Variants in UBXN4 observed in about 807,000 individuals in gnomAD.
UBXN4 encodes the protein UBX domain-containing protein 4.
In UBXN4, 35 loss-of-function variants were observed where a neutral mutation model predicts 66.2. The observed-to-expected ratio is 0.53, with a 90% CI of 0.40 to 0.70. The LOEUF (loss-of-function observed/expected upper bound fraction) is 0.70. UBXN4 is among the 30% of genes least tolerant of loss of function. The pLI, the probability that UBXN4 is intolerant of heterozygous loss-of-function variation, is 0.00. For synonymous variants in UBXN4, 203 were observed against 204.5 expected (o/e 0.99, Z 0.06); for missense variants, 533 against 599.8 (o/e 0.89, Z 1.16).
intron 6 of UBXN4, among the ~76,000 whole-genome samples, chr2:135,767,810 TCAAA>T (rs1338182482): frequency 2.0e-5 from 3 of 152,236 alleles, no homozygotes; most frequent in Non-Finnish European, 2.9e-5. Context: ...TACATAGTGA[TCAAA>T]CAGCTTTCCA....
Position 135,784,870 on chromosome 2 carries a change from TAAA to T in UBXN4, c.*1992_*1994del, listed in dbSNP as rs1171996239. The T allele has an allele frequency of 2.0e-5, 3 of 149,280 alleles. No individual in the cohort carries two copies. The East Asian group carries it at 5.8e-4, about 29-fold the overall frequency. 9.2% of individuals were successfully genotyped at this position (149,280 alleles called of 1,614,324 possible). A position where few individuals can be genotyped will look rare whatever the true frequency, so the allele number is the denominator to read the frequency against. On this transcript the variant is annotated 3_prime_UTR_variant, in exon 13 of 13. Transcript: ENST00000272638. ...ATTTTGTATTTTTAAAAGTACATGG[TAAA>T]AAAAAAAATTCACAACAGTATATAA...
At chr2:135,748,536 C>G (rs1410816898) in intron 2 of UBXN4, among the ~76,000 whole-genome samples, 167 bp downstream of exon 2, 1 of 150,650 alleles carries the variant, frequency 6.6e-6, no homozygotes, top group Non-Finnish European at 1.5e-5. Flanking sequence ...TAGAGGCTAG[C>G]CTGGGCAACA....
At chr2:135,765,457 C>T (rs897967821) in intron 6 of UBXN4, among the ~76,000 whole-genome samples, 3 of 152,002 alleles carry the variant, frequency 2.0e-5, no homozygotes, top group Admixed American at 1.3e-4. Flanking sequence ...GTGATCTGCC[C>T]GCCTCGGCCT....
At chr2:135,756,760 A>G (rs2077281197) in intron 5 of UBXN4, among the ~76,000 whole-genome samples, 1 of 152,230 alleles carries the variant, frequency 6.6e-6, no homozygotes, top group Admixed American at 6.5e-5. Context: ...TTCCTTTAGC[A>G]TTACTTATTG....
chr2:135,775,360 T>A (rs946274250), intron 9 of UBXN4, among the ~76,000 whole-genome samples: 2 of 152,360 alleles, frequency 1.3e-5, no homozygotes, highest in African/African-American at 4.8e-5. Context: ...TACATGAGTA[T>A]AGCAGCATTA....
intron 9 of UBXN4, among the ~76,000 whole-genome samples, chr2:135,775,550 G>A (rs920647788): frequency 1.3e-5 from 2 of 152,164 alleles, no homozygotes; most frequent in Admixed American, 6.5e-5. Flanking sequence ...GTCACATACT[G>A]TATGATTCTA....
In UBXN4 at chr2:135,784,614, C is replaced by G. The variant is rs1021447455; in HGVS notation, c.*1727C>G. 2 of 152,474 alleles carry G rather than the reference C, an allele frequency of 1.3e-5. No individual in the cohort carries two copies. Among genetic ancestry groups the G allele is most frequent in the African/African-American group, 4.8e-5 (2 of 41,372 alleles). 9.4% of individuals were successfully genotyped at this position (152,474 alleles called of 1,614,324 possible). ...AAAGTGAGTTTGAAAAAGAAAATCTCCAGCAAGCATCTCATTTAAATAAAG... is the reference window on the plus strand; with the variant it reads ...AAAGTGAGTTTGAAAAAGAAAATCTGCAGCAAGCATCTCATTTAAATAAAG... On this transcript the variant is annotated 3_prime_UTR_variant, in exon 13 of 13. Transcript: ENST00000272638.
chr2:135,754,156 C>T lies in UBXN4; in HGVS notation c.215-3C>T. 6.2e-7 allele frequency: 1 copy of T among 1,603,368 alleles called. No individual in the cohort carries two copies. The highest frequency in any genetic ancestry group is 8.5e-7 in the Non-Finnish European group (1 of 1,171,018). On this transcript the variant is annotated splice_polypyrimidine_tract_variant and splice_region_variant and intron_variant, in intron 3 of 12. Coordinates refer to ENST00000272638, the MANE Select transcript of UBXN4 (RefSeq NM_014607.4). The stretch of plus-strand genomic sequence containing the variant: ...AATTGTTAGACTTCATTAAACTGTA[C>T]AGATCCTGTAGTGTGTGTTCCATCC...
intron 6 of UBXN4, among the ~76,000 whole-genome samples, chr2:135,766,460 C>T (rs1432091938): frequency 1.3e-5 from 2 of 152,084 alleles, no homozygotes; most frequent in African/African-American, 4.8e-5. Context: ...ACTTTTCTTC[C>T]CTTGATTCAA....
At chr2:135,747,348 CAAAAAAAAAAAAAAAA>C (rs138276089) in intron 1 of UBXN4, among the ~76,000 whole-genome samples, 3 of 83,514 alleles carry the variant, frequency 3.6e-5, no homozygotes, top group African/African-American at 1.3e-4. Flanking sequence ...AACTCCATCT[CAAAAAAAAAAAAAAAA>C]AAAAAAAAGA....
In UBXN4 at chr2:135,782,916, AT is replaced by A. The variant is rs773551241; in HGVS notation, c.*31del. On this transcript the variant is annotated 3_prime_UTR_variant, in exon 13 of 13. Coordinates refer to ENST00000272638, the MANE Select transcript of UBXN4 (RefSeq NM_014607.4). ...GACAAGTATAATATGTGCAATAATC[AT>A]TGTTTCTCTTATGATTTAATTCAAC... 1.3e-6 allele frequency: 2 copies of A among 1,579,278 alleles called. No homozygotes were observed. The highest frequency in any genetic ancestry group is 1.7e-6 in the Non-Finnish European group (2 of 1,162,806).
intron 11 of UBXN4, among the ~76,000 whole-genome samples, chr2:135,779,527 G>A (rs77437836): frequency 1.3e-3 from 203 of 152,194 alleles, no homozygotes; most frequent in Non-Finnish European, 2.4e-3. Flanking sequence ...GACTGCTGCC[G>A]TAACTGGGAT....
intron 5 of UBXN4, among the ~76,000 whole-genome samples, chr2:135,759,144 G>A (rs949731926): frequency 6.6e-6 from 1 of 152,124 alleles, no homozygotes; most frequent in Non-Finnish European, 1.5e-5. Context: ...ATCATCCTGC[G>A]TCAGTGATTC....
intron 6 of UBXN4, among the ~76,000 whole-genome samples, chr2:135,764,227 C>T (rs1236706359): frequency 6.6e-6 from 1 of 152,154 alleles, no homozygotes; most frequent in African/African-American, 2.4e-5. Context: ...AGATCTATTT[C>T]CAAAGACCAT....
intron 4 of UBXN4, among the ~76,000 whole-genome samples, chr2:135,755,286 A>G (rs1003208329): frequency 2.6e-5 from 4 of 152,236 alleles, no homozygotes; most frequent in African/African-American, 7.2e-5. Context: ...AATTTGAGGG[A>G]AAATCAATAG....
At position 135,770,559 on chromosome 2, in the gene UBXN4, T is replaced by C. The variant is rs778949791; in HGVS notation, c.658-12T>C. On this transcript the variant is annotated splice_polypyrimidine_tract_variant and intron_variant, in intron 7 of 12. Coordinates refer to ENST00000272638, the MANE Select transcript of UBXN4 (RefSeq NM_014607.4). ...CAAGTTTTTGGATCATAAAACTTTTTCTTTAATTCAGAGAGAAATTAAGAA... is the reference window on the plus strand; with the variant it reads ...CAAGTTTTTGGATCATAAAACTTTTCCTTTAATTCAGAGAGAAATTAAGAA... 1 of 1,434,202 alleles carries C rather than the reference T, an allele frequency of 7.0e-7. No individual in the cohort carries two copies. The highest frequency in any genetic ancestry group is 9.2e-7 in the Non-Finnish European group (1 of 1,085,384). The allele number at this position is 1,434,202 out of a possible 1,614,324, so 88.8% of individuals were successfully genotyped here. A position where few individuals can be genotyped will look rare whatever the true frequency, so the allele number is the denominator to read the frequency against.
At chr2:135,745,609 T>G (rs2077202529) in intron 1 of UBXN4, among the ~76,000 whole-genome samples, 1 of 152,186 alleles carries the variant, frequency 6.6e-6, no homozygotes, top group South Asian at 2.1e-4. Context: ...AAAGAATGAA[T>G]GGAAAGGATT....
intron 2 of UBXN4, among the ~76,000 whole-genome samples, chr2:135,752,528 T>G (rs748771555): frequency 7.2e-5 from 11 of 152,190 alleles, no homozygotes. Context: ...GTATATAGAT[T>G]GCTTTTAATC....
At chr2:135,748,003 T>C (rs1056919518) in intron 1 of UBXN4, 4 of 344,504 alleles carry the variant, frequency 1.2e-5, no homozygotes, top group African/African-American at 2.1e-5. Context: ...TGTGGTACTT[T>C]GCGCATCATA....
Sources: gnomAD v4.1 joint callset for allele counts (sites outside exome capture counted in the v4.1 genomes callset) on GRCh38, gnomAD v4.1.1 for gene constraint, MANE v1.5 for transcripts, NCBI Gene and HGNC (gene_info 2026-07-23, HGNC 2026-07-21) for gene names.